Variants in RNF144B observed in about 807,000 individuals in gnomAD.
RNF144B encodes the protein ring finger protein 144B.
A neutral mutation model predicts 40.2 loss-of-function variants in RNF144B; 25 were observed. The ratio of observed to expected loss-of-function variants is 0.62; its 90% CI spans 0.45 to 0.87. RNF144B has a LOEUF of 0.87. Ranked by LOEUF, RNF144B falls within the 40% of genes least tolerant of loss-of-function variation. The pLI is 0.00. For synonymous variants in RNF144B, 145 were observed against 136.3 expected (o/e 1.06, Z -0.44); for missense variants, 365 against 373.7 (o/e 0.98, Z 0.19).
At chr6:18,427,484 AG>A (rs1177182067) in intron 2 of RNF144B, 96 bp from the exon 3 acceptor site, 7 of 717,936 alleles carry the variant, frequency 9.8e-6, no homozygotes, top group Non-Finnish European at 1.4e-5. Flanking sequence ...GCCTCAGGAC[AG>A]CCAATTAAGG....
intron 1 of RNF144B, among the ~76,000 whole-genome samples, chr6:18,388,933 C>T (rs1041277315): frequency 6.6e-6 from 1 of 151,758 alleles, no homozygotes; most frequent in Non-Finnish European, 1.5e-5. Flanking sequence ...ATATAGTGAA[C>T]GTGAAAAAGA....
Position 18,443,512 on chromosome 6 carries a change from C to T in RNF144B, c.331+3768C>T, listed in dbSNP as rs1008591284. Among the ~76,000 whole-genome samples the T allele has an allele frequency of 5.3e-5, 8 of 152,162 alleles. No homozygotes were observed. Among genetic ancestry groups the T allele is most frequent in the African/African-American group, 1.7e-4 (7 of 41,438 alleles). On this transcript the variant is annotated intron_variant, in intron 4 of 7. Coordinates refer to ENST00000259939, the MANE Select transcript of RNF144B (RefSeq NM_182757.4). The surrounding 1 kb of genome is among the most constrained non-coding windows in gnomAD (Gnocchi z 4.7). Reference sequence around the variant, plus strand: ...CTAACCTCAAGTGATCCACCCACCTCGGCCTCCCAAAGTTCTGGGATTACA... The same window carrying T: ...CTAACCTCAAGTGATCCACCCACCTTGGCCTCCCAAAGTTCTGGGATTACA...
chr6:18,426,407 G>C (rs1226947710), intron 2 of RNF144B, among the ~76,000 whole-genome samples: 1 of 152,220 alleles, frequency 6.6e-6, no homozygotes, highest in Non-Finnish European at 1.5e-5. Flanking sequence ...CAATTACTTA[G>C]AGGTTTATTT....
At chr6:18,427,150 TTTGA>T in intron 2 of RNF144B, among the ~76,000 whole-genome samples, 1 of 152,328 alleles carries the variant, frequency 6.6e-6, no homozygotes, top group South Asian at 2.1e-4. Flanking sequence ...TTAAGCTTAC[TTTGA>T]TTGTGTGGCT....
intron 2 of RNF144B, among the ~76,000 whole-genome samples, chr6:18,413,229 T>C (rs1046798418): frequency 2.0e-5 from 3 of 152,144 alleles, no homozygotes; most frequent in Non-Finnish European, 4.4e-5. Context: ...AGCATGAAAA[T>C]GGATGAAGGC....
chr6:18,407,349 C>T (rs1794932334), intron 2 of RNF144B, among the ~76,000 whole-genome samples: 1 of 152,146 alleles, frequency 6.6e-6, no homozygotes, highest in Admixed American at 6.5e-5. Flanking sequence ...GGGTTAATGT[C>T]TTTGGGCAGT....
chr6:18,441,644 G>T lies in RNF144B; in HGVS notation c.331+1900G>T, dbSNP rs1381788635. Among the ~76,000 whole-genome samples, 1 of 152,148 alleles carries T rather than the reference G, an allele frequency of 6.6e-6. No homozygotes were observed. Among genetic ancestry groups the T allele is most frequent in the Non-Finnish European group, 1.5e-5 (1 of 68,014 alleles). On this transcript the variant is annotated intron_variant, in intron 4 of 7. Transcript: ENST00000259939. This position sits in a 1 kb window ranked among gnomAD's most constrained non-coding sequence, Gnocchi z 4.9. Reference sequence around the variant, plus strand: ...TTTCTGTGGGTTGTTTCTCACTGATGAATATAAAGTTTTGGTTTATTTTAA... The same window carrying T: ...TTTCTGTGGGTTGTTTCTCACTGATTAATATAAAGTTTTGGTTTATTTTAA...
rs541500266 is a variant in RNF144B, at chr6:18,452,682, A to G, written c.332-4473A>G. Among the ~76,000 whole-genome samples, 4 of 152,264 alleles carry G rather than the reference A, an allele frequency of 2.6e-5. No homozygotes were observed. The East Asian group carries it at 7.7e-4, about 29-fold the overall frequency. On this transcript the variant is annotated intron_variant, in intron 4 of 7. Coordinates refer to ENST00000259939, the MANE Select transcript of RNF144B (RefSeq NM_182757.4). ...AATTTCAAGTTTAGAGATGAAGTAAATCTTTGCCTCCTCTCCTAGCCCCTG... is the reference window on the plus strand; with the variant it reads ...AATTTCAAGTTTAGAGATGAAGTAAGTCTTTGCCTCCTCTCCTAGCCCCTG...
intron 2 of RNF144B, among the ~76,000 whole-genome samples, chr6:18,424,179 C>A (rs920768341): frequency 6.6e-6 from 1 of 152,104 alleles, no homozygotes; most frequent in African/African-American, 2.4e-5. Flanking sequence ...TGAACGTTTT[C>A]ACTTATTTTG....
In RNF144B at chr6:18,456,700, T is replaced by C. The variant is rs1382171042; in HGVS notation, c.332-455T>C. ...TTGTAAATGATAGGTTTGGATCCAT[T>C]ATGAAGACTAATAGTAGAAATCCTC... On this transcript the variant is annotated intron_variant, in intron 4 of 7. Coordinates refer to ENST00000259939, the MANE Select transcript of RNF144B (RefSeq NM_182757.4). This position sits in a 1 kb window ranked among gnomAD's most constrained non-coding sequence, Gnocchi z 4.7. Among the ~76,000 whole-genome samples the C allele has an allele frequency of 6.6e-6, 1 of 152,184 alleles. No individual in the cohort carries two copies. The highest frequency in any genetic ancestry group is 1.5e-5 in the Non-Finnish European group (1 of 68,026).
intron 1 of RNF144B, among the ~76,000 whole-genome samples, chr6:18,389,170 T>G (rs548876927): frequency 8.5e-5 from 13 of 152,300 alleles, no homozygotes; most frequent in African/African-American, 3.1e-4. Flanking sequence ...CAAAGAACAT[T>G]CTCAGCATTC....
At chr6:18,437,157 AC>A (rs1379691323) in intron 3 of RNF144B, among the ~76,000 whole-genome samples, 1 of 152,112 alleles carries the variant, frequency 6.6e-6, no homozygotes, top group Non-Finnish European at 1.5e-5. Context: ...AAAAAATGTG[AC>A]TGGGTGCAAC....
chr6:18,445,889 CTG>C (rs1446749112), intron 4 of RNF144B, among the ~76,000 whole-genome samples: 2 of 152,196 alleles, frequency 1.3e-5, no homozygotes, highest in Admixed American at 6.5e-5. Flanking sequence ...TGTATTATAA[CTG>C]TGTTTCCTAG....
At chr6:18,415,348 G>A (rs1411150246) in intron 2 of RNF144B, among the ~76,000 whole-genome samples, 2 of 152,132 alleles carry the variant, frequency 1.3e-5, no homozygotes, top group African/African-American at 2.4e-5. Context: ...CAATATCAAC[G>A]TGCTGGCAGG....
At chr6:18,394,356 T>C (rs965186456) in intron 1 of RNF144B, among the ~76,000 whole-genome samples, 2 of 152,170 alleles carry the variant, frequency 1.3e-5, no homozygotes, top group African/African-American at 2.4e-5. Context: ...TCCCAGCACT[T>C]TGGGAGGCCG....
rs1352732010 is a variant in RNF144B at position 18,444,125 on chromosome 6, C to T, written c.331+4381C>T. 6.6e-6 allele frequency among the ~76,000 whole-genome samples: 1 copy of T among 152,182 alleles called. No individual in the cohort carries two copies. Among genetic ancestry groups the T allele is most frequent in the Non-Finnish European group, 1.5e-5 (1 of 68,032 alleles). The stretch of plus-strand genomic sequence containing the variant: ...TGCTTTGTGTTACGTATTTGCTCAG[C>T]TTGTCCTTTATGTCTTTAAGTCTGA... On this transcript the variant is annotated intron_variant, in intron 4 of 7. Transcript: ENST00000259939. The surrounding 1 kb of genome is among the most constrained non-coding windows in gnomAD (Gnocchi z 4.3).
In RNF144B at chr6:18,405,643, G is replaced by A. The variant is rs1381607183; in HGVS notation, c.165+5944G>A. On this transcript the variant is annotated intron_variant, in intron 2 of 7. Coordinates refer to ENST00000259939, the MANE Select transcript of RNF144B (RefSeq NM_182757.4). The surrounding 1 kb of genome is among the most constrained non-coding windows in gnomAD (Gnocchi z 4.5). ...TTTGTATTTATTGGTCAAGTCACAGGTTTACAATGCCGATTTTATTGGCAC... is the reference window on the plus strand; with the variant it reads ...TTTGTATTTATTGGTCAAGTCACAGATTTACAATGCCGATTTTATTGGCAC... Among the ~76,000 whole-genome samples, 1 of 152,156 alleles carries A rather than the reference G, an allele frequency of 6.6e-6. No homozygotes were observed. The highest frequency in any genetic ancestry group is 2.4e-5 in the African/African-American group (1 of 41,422).
chr6:18,424,830 G>T (rs1758510294), intron 2 of RNF144B, among the ~76,000 whole-genome samples: 1 of 152,184 alleles, frequency 6.6e-6, no homozygotes, highest in Non-Finnish European at 1.5e-5. Flanking sequence ...ACAAATATCT[G>T]TTCTGTCTAC....
Sources: gnomAD v4.1 joint callset for allele counts (sites outside exome capture counted in the v4.1 genomes callset) on GRCh38, gnomAD v4.1.1 for gene constraint, Gnocchi (gnomAD v3.1) non-coding constraint, MANE v1.5 for transcripts, NCBI Gene and HGNC (gene_info 2026-07-23, HGNC 2026-07-21) for gene names.